Variants in RPS6KA2 observed in about 807,000 individuals in gnomAD.
RPS6KA2 encodes ribosomal protein S6 kinase alpha-2.
RPS6KA2 carries 42 observed loss-of-function variants against 91.8 expected under a neutral mutation model. The ratio of observed to expected loss-of-function variants is 0.46; its 90% CI spans 0.36 to 0.59. The LOEUF is 0.59. Among genes scored for constraint, RPS6KA2 ranks in the 20% least tolerant of loss-of-function variants. RPS6KA2 has a pLI of 0.00. For missense variants in RPS6KA2, 798 were observed against 978.5 expected, an observed-to-expected ratio of 0.82 and a Z score of 2.46; for synonymous variants, 414 against 393.6, an observed-to-expected ratio of 1.05 and a Z score of -0.61.
intron 2 of RPS6KA2, among the ~76,000 whole-genome samples, chr6:166,837,331 G>A (rs756147748): frequency 6.6e-6 from 1 of 152,174 alleles, no homozygotes; most frequent in Non-Finnish European, 1.5e-5. Flanking sequence ...GCCCTTCCCT[G>A]GGCCAGAGGC....
At chr6:166,823,124 G>A (rs1453496336) in intron 2 of RPS6KA2, among the ~76,000 whole-genome samples, 1 of 152,178 alleles carries the variant, frequency 6.6e-6, no homozygotes, top group Non-Finnish European at 1.5e-5. Flanking sequence ...AAAGACAGGA[G>A]CTACATGAGA....
At chr6:166,717,626 G>A (rs1384534158) in intron 2 of RPS6KA2, among the ~76,000 whole-genome samples, 4 of 152,200 alleles carry the variant, frequency 2.6e-5, no homozygotes, top group Middle Eastern at 3.4e-3. Context: ...GGAGTGGGGT[G>A]CACAGCACAC....
intron 2 of RPS6KA2, among the ~76,000 whole-genome samples, chr6:166,643,233 T>C (rs1787499408): frequency 6.6e-6 from 1 of 152,154 alleles, no homozygotes; most frequent in South Asian, 2.1e-4. Context: ...TAAATAGAAA[T>C]AAATCAAAAT....
chr6:166,500,988 G>A lies in RPS6KA2; in HGVS notation c.567-64C>T, dbSNP rs1782007409. 1 of 1,491,128 alleles carries A rather than the reference G, an allele frequency of 6.7e-7. No individual in the cohort carries two copies. Among genetic ancestry groups the A allele is most frequent in the Admixed American group, 1.7e-5 (1 of 58,312 alleles). The allele number at this position is 1,491,128 out of a possible 1,614,324, so 92.4% of individuals were successfully genotyped here. On this transcript the variant is annotated intron_variant, in intron 6 of 20. Transcript: ENST00000265678. This position sits in a 1 kb window ranked among gnomAD's most constrained non-coding sequence, Gnocchi z 4.3. ...GACCCAGCCTGCCGACGGGCACGCAGAGCTCAGAGGAGAGCTGCGGGGCAG... is the reference window on the plus strand; with the variant it reads ...GACCCAGCCTGCCGACGGGCACGCAAAGCTCAGAGGAGAGCTGCGGGGCAG...
intron 1 of RPS6KA2, among the ~76,000 whole-genome samples, chr6:166,580,793 G>A (rs183108511): frequency 2.0e-5 from 3 of 152,304 alleles, no homozygotes; most frequent in East Asian, 3.9e-4. Flanking sequence ...ATTTTCATGC[G>A]TAGGGGGCGG....
chr6:166,543,132 G>A (rs1783713400), intron 1 of RPS6KA2, among the ~76,000 whole-genome samples: 1 of 152,154 alleles, frequency 6.6e-6, no homozygotes, highest in African/African-American at 2.4e-5. Flanking sequence ...TGGCTTTGAG[G>A]GCAGCTTTGG....
Position 166,725,761 on chromosome 6 carries a change from G to C in RPS6KA2, c.123+132439C>G, listed in dbSNP as rs150337646. ...CTGCTTGCACAGCTTCCTCGGGCCA[G>C]CGTGGACGTTCCCGACCTGCCCCAC... On this transcript the variant is annotated intron_variant, in intron 2 of 21. Transcript: ENST00000503859. 3.5e-3 allele frequency among the ~76,000 whole-genome samples: 530 copies of C among 152,346 alleles called. 1 individual carries two copies. The highest frequency in any genetic ancestry group is 5.8e-3 in the Non-Finnish European group (393 of 68,028).
intron 1 of RPS6KA2, among the ~76,000 whole-genome samples, chr6:166,584,953 G>C (rs1190320503): frequency 6.6e-6 from 1 of 152,218 alleles, no homozygotes; most frequent in Non-Finnish European, 1.5e-5. Context: ...TGGCACATTG[G>C]TGTGTCATTC....
rs142249902 is a variant in RPS6KA2, at chr6:166,437,583, G to A, written c.1333-5093C>T. 1.2e-4 allele frequency among the ~76,000 whole-genome samples: 19 copies of A among 152,290 alleles called. No individual in the cohort carries two copies. Among genetic ancestry groups the A allele is most frequent in the South Asian group, 1.0e-3 (5 of 4,822 alleles). On this transcript the variant is annotated intron_variant, in intron 14 of 20. Transcript: ENST00000265678. The surrounding 1 kb of genome is among the most constrained non-coding windows in gnomAD (Gnocchi z 4.3). ...CAGGGGTTGGCCACCCACCACAGCC[G>A]GTAAATAAACTTTCCATGGTGTTGC...
chr6:166,702,367 G>T, intron 2 of RPS6KA2: 1 of 1,609,722 alleles, frequency 6.2e-7, no homozygotes, highest in East Asian at 2.2e-5. Flanking sequence ...TTTCATCAGG[G>T]ATATAGGCTA....
At chr6:166,789,072 C>T (rs558605495) in intron 2 of RPS6KA2, among the ~76,000 whole-genome samples, 3 of 152,230 alleles carry the variant, frequency 2.0e-5, no homozygotes, top group East Asian at 1.9e-4. Context: ...TTACCTCACT[C>T]GGGAAGTGCA....
chr6:166,750,174 T>C (rs1791233334), intron 2 of RPS6KA2, among the ~76,000 whole-genome samples: 1 of 152,192 alleles, frequency 6.6e-6, no homozygotes, highest in Non-Finnish European at 1.5e-5. Context: ...TCCATCCGCC[T>C]AGGTTTTGTT....
intron 2 of RPS6KA2, among the ~76,000 whole-genome samples, chr6:166,853,954 A>G (rs558921997): frequency 6.6e-6 from 1 of 152,346 alleles, no homozygotes; most frequent in East Asian, 1.9e-4. Flanking sequence ...TTTTGCTTCT[A>G]GATTTTTCTT....
chr6:166,600,270 G>A (rs1281483443), intron 1 of RPS6KA2, among the ~76,000 whole-genome samples: 4 of 152,202 alleles, frequency 2.6e-5, no homozygotes, highest in Non-Finnish European at 5.9e-5. Flanking sequence ...CTCCCAACAT[G>A]CTGGGATGAC....
chr6:166,519,708 G>T (rs558713023), intron 3 of RPS6KA2, among the ~76,000 whole-genome samples: 1 of 152,252 alleles, frequency 6.6e-6, no homozygotes, highest in South Asian at 2.1e-4. Flanking sequence ...ATCCTGGCAG[G>T]CATAGGATAT....
chr6:166,597,173 G>A (rs546685883), intron 1 of RPS6KA2, among the ~76,000 whole-genome samples: 10 of 152,366 alleles, frequency 6.6e-5, no homozygotes, highest in Admixed American at 3.9e-4. Context: ...GGAGGCAAGA[G>A]AGGGGCACAG....
chr6:166,505,198 G>T (rs1031641742), intron 5 of RPS6KA2, among the ~76,000 whole-genome samples: 1 of 151,994 alleles, frequency 6.6e-6, no homozygotes, highest in African/African-American at 2.4e-5. Flanking sequence ...TGAGGGGGCG[G>T]GATGGGGAGG....
chr6:166,619,441 A>G (rs12203904), intron 1 of RPS6KA2, among the ~76,000 whole-genome samples: 23,006 of 152,302 alleles, frequency 0.15, 1,787 homozygotes, highest in Non-Finnish European at 0.17. Context: ...AGTTGCTTTA[A>G]CAAGTTACAG....
chr6:166,547,342 A>G (rs372483333), intron 1 of RPS6KA2, among the ~76,000 whole-genome samples: 46 of 152,324 alleles, frequency 3.0e-4, no homozygotes, highest in African/African-American at 1.1e-3. Flanking sequence ...AAAATGGTCC[A>G]CCAAATCCAT....
Sources: gnomAD v4.1 joint callset for allele counts (sites outside exome capture counted in the v4.1 genomes callset) on GRCh38, gnomAD v4.1.1 for gene constraint, Gnocchi (gnomAD v3.1) non-coding constraint, MANE v1.5 for transcripts, NCBI Gene and HGNC (gene_info 2026-07-23, HGNC 2026-07-21) for gene names.